Variants in PTPRM observed in about 807,000 individuals in gnomAD.
PTPRM encodes the protein receptor-type tyrosine-protein phosphatase mu.
A neutral mutation model predicts 186.7 loss-of-function variants in PTPRM; 47 were observed. That is an observed-to-expected ratio of 0.25 (90% CI 0.20 to 0.32). The LOEUF (loss-of-function observed/expected upper bound fraction) is 0.32. PTPRM is among the 10% of genes least tolerant of loss of function. The probability of loss-of-function intolerance (pLI) is 1.00; values close to 1 mark genes in which losing one functional copy is unlikely to be tolerated. For synonymous variants in PTPRM, 668 were observed against 674.9 expected, an observed-to-expected ratio of 0.99 and a Z score of 0.16; for missense variants, 1,494 against 1,865.0, an observed-to-expected ratio of 0.80 and a Z score of 3.66.
intron 2 of PTPRM, among the ~76,000 whole-genome samples, chr18:7,841,354 T>C (rs1476023032): frequency 9.2e-5 from 13 of 141,862 alleles, no homozygotes; most frequent in Middle Eastern, 7.3e-3. Context: ...TGCAGTGGCC[T>C]GATCTCAGCT....
intron 1 of PTPRM, among the ~76,000 whole-genome samples, chr18:7,624,649 T>A (rs1425979717): frequency 1.3e-5 from 2 of 152,160 alleles, no homozygotes; most frequent in Non-Finnish European, 1.5e-5. Flanking sequence ...CTAATTTTTG[T>A]ATTTCTGGGT....
intron 7 of PTPRM, among the ~76,000 whole-genome samples, chr18:8,066,304 T>G (rs1484606816): frequency 6.6e-6 from 1 of 152,188 alleles, no homozygotes; most frequent in Non-Finnish European, 1.5e-5. Context: ...CATAGGTACA[T>G]GGTAGCACAT....
At chr18:8,331,689 G>A (rs1265100655) in intron 22 of PTPRM, among the ~76,000 whole-genome samples, 1 of 152,184 alleles carries the variant, frequency 6.6e-6, no homozygotes, top group South Asian at 2.1e-4. Flanking sequence ...ACCTGTTAAT[G>A]CTTCCTTCCA....
chr18:7,926,440 G>T, intron 4 of PTPRM, 128 bp from the exon 5 acceptor site: 3 of 530,470 alleles, frequency 5.7e-6, no homozygotes, highest in Non-Finnish European at 9.7e-6. Context: ...GCTTATATAA[G>T]CAAAAGCATT....
chr18:7,851,097 G>C (rs188173653), intron 2 of PTPRM, among the ~76,000 whole-genome samples: 22 of 152,262 alleles, frequency 1.4e-4, no homozygotes, highest in Admixed American at 9.8e-4. Flanking sequence ...TGGTTTAAGA[G>C]AAGATTTTAC....
chr18:8,130,872 A>G (rs981789767), intron 13 of PTPRM, among the ~76,000 whole-genome samples: 2 of 152,218 alleles, frequency 1.3e-5, no homozygotes, highest in East Asian at 1.9e-4. Context: ...TCAACATCTC[A>G]GCTTCCATAT....
At chr18:8,263,441 A>T (rs183586716) in intron 19 of PTPRM, among the ~76,000 whole-genome samples, 3 of 152,270 alleles carry the variant, frequency 2.0e-5, no homozygotes, top group East Asian at 3.9e-4. Flanking sequence ...TGTTTGCTTT[A>T]CATTTCTTAT....
intron 3 of PTPRM, among the ~76,000 whole-genome samples, chr18:7,892,023 A>G (rs540178639): frequency 6.6e-6 from 1 of 152,318 alleles, no homozygotes; most frequent in Non-Finnish European, 1.5e-5. Context: ...TAGGGAAGAC[A>G]GGGATCTGGA....
chr18:8,300,849 G>C (rs539844554), intron 20 of PTPRM, among the ~76,000 whole-genome samples: 3 of 152,090 alleles, frequency 2.0e-5, no homozygotes, highest in African/African-American at 7.2e-5. Flanking sequence ...CTTCCATGGC[G>C]TCCTGAAGCC....
At chr18:7,612,818 C>T (rs1186916033) in intron 1 of PTPRM, among the ~76,000 whole-genome samples, 1 of 152,104 alleles carries the variant, frequency 6.6e-6, no homozygotes, top group Non-Finnish European at 1.5e-5. Context: ...CCAGTCACTG[C>T]AAGAAGGCTT....
intron 1 of PTPRM, among the ~76,000 whole-genome samples, chr18:7,638,944 C>T (rs2038380841): frequency 6.6e-6 from 1 of 152,196 alleles, no homozygotes; most frequent in South Asian, 2.1e-4. Flanking sequence ...CTTTTCCTCA[C>T]AGTGGAAAAG....
In PTPRM at chr18:7,613,162, G is replaced by C. The variant is rs527967119; in HGVS notation, c.73+45271G>C. ...GGACAATTGGAGGGCTCTCAAACTT[G>C]GGTACCTATGGTAATTCAGATACAA... On this transcript the variant is annotated intron_variant, in intron 1 of 32. Transcript: ENST00000580170. 1.1e-3 allele frequency among the ~76,000 whole-genome samples: 160 copies of C among 152,218 alleles called. 7 individuals are homozygous for C. In the South Asian group the frequency reaches 0.033, roughly 31 times the overall value.
At chr18:8,398,228 C>T (rs1048967452) in intron 32 of PTPRM, among the ~76,000 whole-genome samples, 1 of 152,168 alleles carries the variant, frequency 6.6e-6, no homozygotes, top group African/African-American at 2.4e-5. Context: ...AAGCAGTCCT[C>T]CTGCCTCAGC....
Position 8,160,446 on chromosome 18 carries a change from A to C in PTPRM, c.2300+16667A>C, listed in dbSNP as rs149638208. On this transcript the variant is annotated intron_variant, in intron 14 of 32. Coordinates refer to ENST00000580170, the MANE Select transcript of PTPRM (RefSeq NM_001105244.2). ...GCAGACATGCGCCACCACGCCCAGA[A>C]AATTTTGGGGTTTTGTTGTTGTTGT... Among the ~76,000 whole-genome samples, 361 of 151,986 alleles carry C rather than the reference A, an allele frequency of 2.4e-3. 1 individual carries two copies. The highest frequency in any genetic ancestry group is 8.2e-3 in the African/African-American group (342 of 41,460).
intron 7 of PTPRM, among the ~76,000 whole-genome samples, chr18:7,991,846 AATAGGAAAACC>A (rs1041296944): frequency 6.6e-6 from 1 of 152,170 alleles, no homozygotes; most frequent in Non-Finnish European, 1.5e-5. Flanking sequence ...CCGAAAACTT[AATAGGAAAACC>A]ATAGGAAAGA....
At position 8,260,667 on chromosome 18, in the gene PTPRM, TCAAAC is replaced by T. The variant is rs573380905; in HGVS notation, c.2754+7256_2754+7260del. Reference sequence around the variant, plus strand: ...TTTGATGGGGACAGGCAACCCATATTCAAACCATAGCACCAGCATATCCTACAAAA... The same window carrying T: ...TTTGATGGGGACAGGCAACCCATATTCATAGCACCAGCATATCCTACAAAA... On this transcript the variant is annotated intron_variant, in intron 19 of 32. Coordinates refer to ENST00000580170, the MANE Select transcript of PTPRM (RefSeq NM_001105244.2). Among the ~76,000 whole-genome samples the T allele has an allele frequency of 2.9e-4, 44 of 152,248 alleles. 1 individual carries two copies. Among genetic ancestry groups the T allele is most frequent in the Admixed American group, 9.8e-4 (15 of 15,288 alleles).
At chr18:8,002,092 A>G (rs534275746) in intron 7 of PTPRM, among the ~76,000 whole-genome samples, 1 of 152,312 alleles carries the variant, frequency 6.6e-6, no homozygotes, top group East Asian at 1.9e-4. Flanking sequence ...AATTGCCGGT[A>G]ATCCATCCAC....
chr18:8,225,869 A>C (rs1285268787), intron 14 of PTPRM, among the ~76,000 whole-genome samples: 2 of 152,242 alleles, frequency 1.3e-5, no homozygotes, highest in African/African-American at 2.4e-5. Context: ...ATAGATTAGG[A>C]GAAAACATTT....
chr18:7,626,324 G>A (rs780680270), intron 1 of PTPRM, among the ~76,000 whole-genome samples: 6 of 152,196 alleles, frequency 3.9e-5, no homozygotes, highest in Non-Finnish European at 8.8e-5. Context: ...ATTTAAAAGG[G>A]TTTAATGATC....
Sources: allele counts gnomAD v4.1 joint callset (sites outside exome capture counted in the v4.1 genomes callset), GRCh38; gene constraint gnomAD v4.1.1; transcripts MANE v1.5; gene names NCBI Gene and HGNC (gene_info 2026-07-23, HGNC 2026-07-21).